CDH4: variants seen among roughly 807,000 people sequenced by gnomAD.
The protein encoded by CDH4 is cadherin 4, also known as cadherin-4.
Under a neutral mutation model 86.0 loss-of-function variants are expected in CDH4, and 33 were observed. The ratio of observed to expected loss-of-function variants is 0.38; its 90% CI spans 0.29 to 0.51. The LOEUF is 0.51. CDH4 is among the 20% of genes least tolerant of loss of function. The pLI is 0.86. For synonymous variants in CDH4, 555 were observed against 549.4 expected (o/e 1.01, Z -0.14); for missense variants, 1,114 against 1,307.4 (o/e 0.85, Z 2.28).
At position 61,574,206 on chromosome 20, in the gene CDH4, T is replaced by G. The variant is rs183385747; in HGVS notation, c.170-169357T>G. On this transcript the variant is annotated intron_variant, in intron 2 of 15. Coordinates refer to ENST00000614565, the MANE Select transcript of CDH4 (RefSeq NM_001794.5). ...CTCCACACCTTGCACACATATAGAT[T>G]CAAAAGAGCAAGCAGCACCATGCTG... Among the ~76,000 whole-genome samples, 57 of 152,228 alleles carry G rather than the reference T, an allele frequency of 3.7e-4. No individual in the cohort carries two copies. The South Asian group carries it at 6.9e-3, about 18-fold the overall frequency.
chr20:61,720,216 G>A (rs2088019565), intron 2 of CDH4, among the ~76,000 whole-genome samples: 2 of 152,128 alleles, frequency 1.3e-5, no homozygotes, highest in Non-Finnish European at 2.9e-5. Flanking sequence ...GAGAGGAGCT[G>A]AAGTCTCCCC....
intron 6 of CDH4, among the ~76,000 whole-genome samples, chr20:61,870,110 C>T (rs1320453655): frequency 1.3e-5 from 2 of 152,336 alleles, no homozygotes; most frequent in East Asian, 3.9e-4. Flanking sequence ...GAGTCCTGGG[C>T]TGACTCGCTG....
intron 2 of CDH4, among the ~76,000 whole-genome samples, chr20:61,414,146 A>C (rs2085134435): frequency 6.6e-6 from 1 of 152,192 alleles, no homozygotes. Flanking sequence ...GCTACCGCAA[A>C]TACAGTCACG....
intron 4 of CDH4, among the ~76,000 whole-genome samples, chr20:61,788,452 A>G (rs1011088438): frequency 6.6e-6 from 1 of 152,134 alleles, no homozygotes; most frequent in Non-Finnish European, 1.5e-5. Context: ...GGGGAAACGG[A>G]AACTCATCTT....
chr20:61,887,350 G>A (rs773655635), intron 7 of CDH4, among the ~76,000 whole-genome samples: 2 of 152,144 alleles, frequency 1.3e-5, no homozygotes, highest in Non-Finnish European at 2.9e-5. Context: ...CCTGCCTCTC[G>A]AAATCAAGAC....
chr20:61,635,764 G>A (rs1452971207), intron 2 of CDH4, among the ~76,000 whole-genome samples: 3 of 152,204 alleles, frequency 2.0e-5, no homozygotes, highest in Non-Finnish European at 4.4e-5. Flanking sequence ...CTGCCTGAGC[G>A]CTAGGGCTGC....
At chr20:61,374,495 C>T (rs142321136) in intron 2 of CDH4, among the ~76,000 whole-genome samples, 7 of 152,246 alleles carry the variant, frequency 4.6e-5, no homozygotes, top group Non-Finnish European at 7.3e-5. Flanking sequence ...CCTGTGGCCT[C>T]GGGCAAGTTA....
Position 61,690,337 on chromosome 20 carries a change from G to A in CDH4, c.170-53226G>A, listed in dbSNP as rs138328501. ...TGTCACTCCCGGGAGGCTTCCCGGA[G>A]GTGGTGACATTGTGTGTGATCAGCA... On this transcript the variant is annotated intron_variant, in intron 2 of 15. Transcript: ENST00000614565. Among the ~76,000 whole-genome samples, 11 of 152,296 alleles carry A rather than the reference G, an allele frequency of 7.2e-5. No individual in the cohort carries two copies. The East Asian group carries it at 1.7e-3, about 24-fold the overall frequency.
At chr20:61,869,784 G>C (rs984371380) in intron 6 of CDH4, among the ~76,000 whole-genome samples, 6 of 152,224 alleles carry the variant, frequency 3.9e-5, no homozygotes, top group Admixed American at 1.3e-4. Context: ...CTTGGAGGAG[G>C]CAGCTTCGAT....
intron 11 of CDH4, among the ~76,000 whole-genome samples, chr20:61,926,056 G>T (rs1191362190): frequency 2.6e-5 from 4 of 152,208 alleles, no homozygotes; most frequent in Non-Finnish European, 5.9e-5. Flanking sequence ...ACAGAAAATG[G>T]ATATTGGGGA....
intron 2 of CDH4, among the ~76,000 whole-genome samples, chr20:61,383,257 TATATGTG>T: frequency 1.2e-5 from 1 of 84,648 alleles, no homozygotes; most frequent in Admixed American, 1.4e-4. Context: ...TATATATGAA[TATATGTG>T]ATATATATGA....
At chr20:61,717,756 G>A (rs1481331872) in intron 2 of CDH4, 1 of 152,304 alleles carries the variant, frequency 6.6e-6, no homozygotes, top group Non-Finnish European at 1.5e-5. Context: ...CCAACGTGCT[G>A]GGATGACAGG....
At chr20:61,325,221 GGAA>G (rs934759080) in intron 2 of CDH4, among the ~76,000 whole-genome samples, 10 of 94,442 alleles carry the variant, frequency 1.1e-4, no homozygotes, top group African/African-American at 3.0e-4. Flanking sequence ...AGTGGTCACT[GGAA>G]AAAAAAAAAA....
chr20:61,446,830 C>T (rs1431786982), intron 2 of CDH4, among the ~76,000 whole-genome samples: 1 of 152,018 alleles, frequency 6.6e-6, no homozygotes, highest in Non-Finnish European at 1.5e-5. Context: ...TATATATATA[C>T]CTTAATAAAT....
rs746690373 is a variant in CDH4 at position 61,876,376 on chromosome 20, G to A, written c.1050+2476G>A. On this transcript the variant is annotated intron_variant, in intron 7 of 15. Coordinates refer to ENST00000614565, the MANE Select transcript of CDH4 (RefSeq NM_001794.5). ...GGGCATGGCTGGCTGCATGCTGGCC[G>A]CAGGAAACCGTTCTCTCCCTACTCT... 8.5e-5 allele frequency among the ~76,000 whole-genome samples: 13 copies of A among 152,254 alleles called. No homozygotes were observed. The South Asian group carries it at 1.9e-3, about 22-fold the overall frequency.
chr20:61,560,582 T>A (rs2086209422), intron 2 of CDH4, among the ~76,000 whole-genome samples: 1 of 152,194 alleles, frequency 6.6e-6, no homozygotes, highest in Non-Finnish European at 1.5e-5. Context: ...TACCCCGCCC[T>A]GCACTCCAGC....
At chr20:61,452,526 A>T (rs1034083277) in intron 2 of CDH4, among the ~76,000 whole-genome samples, 2 of 152,200 alleles carry the variant, frequency 1.3e-5, no homozygotes, top group Non-Finnish European at 2.9e-5. Flanking sequence ...GGCTTGGTAA[A>T]TTGCTTTAGT....
chr20:61,856,545 G>A (rs1304268108), intron 6 of CDH4, among the ~76,000 whole-genome samples: 3 of 131,820 alleles, frequency 2.3e-5, no homozygotes, highest in South Asian at 2.5e-4. Context: ...TCCCCCCGCC[G>A]GGATCCACAA....
In CDH4 at chr20:61,640,974, T is replaced by C. The variant is rs1234534747; in HGVS notation, c.170-102589T>C. ...TGCTGTGGGAACGCCCAGCCTGCAT[T>C]CTGGAGGGTGGTAGCTGGTGGCTAC... On this transcript the variant is annotated intron_variant, in intron 2 of 15. Transcript: ENST00000614565. Among the ~76,000 whole-genome samples the C allele has an allele frequency of 2.0e-5, 3 of 152,294 alleles. No individual in the cohort carries two copies. The East Asian group carries it at 5.8e-4, about 30-fold the overall frequency.
Sources: allele counts gnomAD v4.1 joint callset (sites outside exome capture counted in the v4.1 genomes callset), GRCh38; gene constraint gnomAD v4.1.1; transcripts MANE v1.5; gene names NCBI Gene and HGNC (gene_info 2026-07-23, HGNC 2026-07-21).